TRPC3: variants seen among roughly 807,000 people sequenced by gnomAD.
TRPC3 encodes transient receptor potential cation channel subfamily C member 3.
Under a neutral mutation model 90.9 loss-of-function variants are expected in TRPC3, and 54 were observed. The ratio of observed to expected loss-of-function variants is 0.59; its 90% CI spans 0.48 to 0.75. TRPC3 has a LOEUF of 0.75. Ranked by LOEUF, TRPC3 falls within the 30% of genes least tolerant of loss-of-function variation. The probability of loss-of-function intolerance (pLI) is 0.00; values close to 1 mark genes in which losing one functional copy is unlikely to be tolerated. For synonymous variants in TRPC3, 424 were observed against 450.9 expected (o/e 0.94, Z 0.75); for missense variants, 918 against 1,194.5 (o/e 0.77, Z 3.41).
At chr4:121,903,776 T>C (rs965351703) in intron 8 of TRPC3, among the ~76,000 whole-genome samples, 2 of 152,142 alleles carry the variant, frequency 1.3e-5, no homozygotes, top group African/African-American at 4.8e-5. Flanking sequence ...TTCTAAAACA[T>C]ACATAGAGAT....
chr4:121,875,419 T>C lies in TRPC3; in HGVS notation c.*4317A>G, dbSNP rs1727736638. Among the ~76,000 whole-genome samples the C allele has an allele frequency of 6.6e-6, 1 of 152,250 alleles. No individual in the cohort carries two copies. Among genetic ancestry groups the C allele is most frequent in the Admixed American group, 6.5e-5 (1 of 15,292 alleles). ...TAAATGATTAGTAAAGATTTCAACCTACTAATTTTAAGTATTCCTCAAATA... is the reference window on the plus strand; with the variant it reads ...TAAATGATTAGTAAAGATTTCAACCCACTAATTTTAAGTATTCCTCAAATA... On this transcript the variant is annotated 3_prime_UTR_variant, in exon 12 of 12. Transcript: ENST00000379645.
intron 2 of TRPC3, among the ~76,000 whole-genome samples, chr4:121,931,451 G>A (rs972868791): frequency 2.6e-5 from 4 of 151,906 alleles, no homozygotes; most frequent in African/African-American, 9.7e-5. Flanking sequence ...ATAGGAGGAG[G>A]TAGCAACTGA....
At chr4:121,889,537 C>T (rs1473991853) in intron 10 of TRPC3, among the ~76,000 whole-genome samples, 1 of 152,102 alleles carries the variant, frequency 6.6e-6, no homozygotes, top group Non-Finnish European at 1.5e-5. Context: ...TCACCTCACC[C>T]TAGTTAGGAT....
intron 9 of TRPC3, among the ~76,000 whole-genome samples, chr4:121,902,234 T>C (rs1335486450): frequency 1.3e-5 from 2 of 152,212 alleles, no homozygotes; most frequent in African/African-American, 4.8e-5. Context: ...TCCTTCTATC[T>C]ATACCATTCT....
intron 10 of TRPC3, among the ~76,000 whole-genome samples, chr4:121,888,289 A>G (rs112230524): frequency 0.019 from 2,921 of 152,338 alleles, 46 homozygotes; most frequent in Middle Eastern, 0.071. Context: ...TGATGACCCT[A>G]TTGGTGATGG....
At chr4:121,888,562 GTT>G (rs34467429) in intron 10 of TRPC3, among the ~76,000 whole-genome samples, 3 of 143,670 alleles carry the variant, frequency 2.1e-5, no homozygotes, top group Non-Finnish European at 3.1e-5. Context: ...ACCAAGTTCT[GTT>G]TTTTTTTTTT....
chr4:121,918,956 T>A (rs1347932043), intron 3 of TRPC3, among the ~76,000 whole-genome samples: 1 of 152,224 alleles, frequency 6.6e-6, no homozygotes, highest in Non-Finnish European at 1.5e-5. Context: ...TCTCCTTATG[T>A]CACTACACCA....
chr4:121,932,253 G>A lies in TRPC3; in HGVS notation c.987+18C>T, dbSNP rs1001315053. Reference sequence around the variant, plus strand: ...TGGGTGAGCACACAGAGCAGCCGGGGTAGAGCGCAAAGCTTACCTTGAACT... The same window carrying A: ...TGGGTGAGCACACAGAGCAGCCGGGATAGAGCGCAAAGCTTACCTTGAACT... On this transcript the variant is annotated intron_variant, in intron 2 of 11. Coordinates refer to ENST00000379645, the MANE Select transcript of TRPC3 (RefSeq NM_001130698.2). The surrounding 1 kb of genome is among the most constrained non-coding windows in gnomAD (Gnocchi z 7.7). 1 of 1,608,958 alleles carries A rather than the reference G, an allele frequency of 6.2e-7. No individual in the cohort carries two copies. The highest frequency in any genetic ancestry group is 1.3e-5 in the African/African-American group (1 of 74,834).
At chr4:121,945,396 T>C (rs538143000) in intron 1 of TRPC3, among the ~76,000 whole-genome samples, 4 of 152,340 alleles carry the variant, frequency 2.6e-5, no homozygotes, top group Non-Finnish European at 5.9e-5. Context: ...AAATTTCATC[T>C]TCCATGAAAC....
intron 11 of TRPC3, 101 bp from the exon 12 acceptor site, chr4:121,879,979 G>C: frequency 2.6e-6 from 3 of 1,133,370 alleles, no homozygotes; most frequent in Non-Finnish European, 3.6e-6. Context: ...TGCTTCATAA[G>C]GTCTCCAAGG....
rs199593201 is a variant in TRPC3, at chr4:121,932,575, G to T, written c.683C>A (p.Thr228Lys). ...GGGGGTGATGTCCGGCGAGAAGCGC[G>T]TGCCGTCCTCGTCGTAAGCGTAGAA... ...DDFYAYDEDG[T>K]RFSPDITPII... The change falls in exon 2 of 12, where the codon ACG becomes AAG. Residue 228 changes from threonine (T) to lysine (K), a missense_variant. Thr to Lys is a moderately conservative substitution (Grantham distance 78). Transcript: ENST00000379645. This position sits in a 1 kb window ranked among gnomAD's most constrained non-coding sequence, Gnocchi z 7.7. The T allele has an allele frequency of 6.8e-6, 11 of 1,614,096 alleles. No homozygotes were observed. The highest frequency in any genetic ancestry group is 1.3e-5 in the African/African-American group (1 of 74,932).
chr4:121,894,567 T>G (rs1332003540), intron 10 of TRPC3, among the ~76,000 whole-genome samples: 1 of 136,776 alleles, frequency 7.3e-6, no homozygotes, highest in African/African-American at 2.7e-5. Context: ...TTTTTTTTTT[T>G]TTTTTTTTTT....
chr4:121,921,919 G>GTTTTTTTTTTTT (rs1188029866), intron 3 of TRPC3, among the ~76,000 whole-genome samples: 1 of 115,578 alleles, frequency 8.7e-6, no homozygotes. Flanking sequence ...GTTTTTTTTT[G>GTTTTTTTTTTTT]TTTTTTTTTT....
At chr4:121,887,364 C>G (rs946650854) in intron 10 of TRPC3, among the ~76,000 whole-genome samples, 29 of 152,202 alleles carry the variant, frequency 1.9e-4, no homozygotes, top group African/African-American at 6.8e-4. Flanking sequence ...TGCCATTCTA[C>G]TTCAATGGAG....
chr4:121,932,283 C>T lies in TRPC3; in HGVS notation c.975G>A (p.Glu325=). The T allele has an allele frequency of 1.2e-6, 2 of 1,613,896 alleles. No homozygotes were observed. Among genetic ancestry groups the T allele is most frequent in the Middle Eastern group, 3.3e-4 (2 of 6,060 alleles). Reference sequence around the variant, plus strand: ...GCGCAAAGCTTACCTTGAACTCCTTCTCTATGTTGGCCAGCTTGGCCAGCT... The same window carrying T: ...GCGCAAAGCTTACCTTGAACTCCTTTTCTATGTTGGCCAGCTTGGCCAGCT... ...SNELAKLANI[E]KEFKNDYRKL... is the part of the protein sequence containing the mutation. Residue 325 remains glutamate (E), a synonymous_variant, in exon 2 of 12, where the codon GAG becomes GAA. Coordinates refer to ENST00000379645, the MANE Select transcript of TRPC3 (RefSeq NM_001130698.2). The surrounding 1 kb of genome is among the most constrained non-coding windows in gnomAD (Gnocchi z 7.7).
chr4:121,890,033 G>T (rs1345107361), intron 10 of TRPC3, among the ~76,000 whole-genome samples: 2 of 152,130 alleles, frequency 1.3e-5, no homozygotes, highest in Non-Finnish European at 2.9e-5. Flanking sequence ...GGACCTGGAG[G>T]ACATAATGTT....
At chr4:121,891,993 T>A (rs942247633) in intron 10 of TRPC3, among the ~76,000 whole-genome samples, 1 of 152,260 alleles carries the variant, frequency 6.6e-6, no homozygotes, top group East Asian at 1.9e-4. Context: ...TCAGTTTAAT[T>A]CATAGCCCCC....
At chr4:121,893,830 T>C (rs1728417682) in intron 10 of TRPC3, among the ~76,000 whole-genome samples, 1 of 152,024 alleles carries the variant, frequency 6.6e-6, no homozygotes, top group African/African-American at 2.4e-5. Flanking sequence ...TATGGAGACA[T>C]AAGGATATAT....
At position 121,902,951 on chromosome 4, in the gene TRPC3, T is replaced by C. The variant is rs147677309; in HGVS notation, c.2364A>G (p.Ser788=). Residue 788 remains serine (S), a synonymous_variant, in exon 9 of 12, where the codon TCA becomes TCG. Transcript: ENST00000379645. The stretch of plus-strand genomic sequence containing the variant: ...CAATTCGCATGATGAAATAAACAAA[T>C]GATTTTGGACTAGGAACTAGACTGA... ...PPFSLVPSPK[S]FVYFIMRIVN... 1,332 of 1,613,570 alleles carry C rather than the reference T, an allele frequency of 8.3e-4. 15 individuals carry two copies. In the South Asian group the frequency reaches 9.1e-3, roughly 11 times the overall value.
Sources: allele counts gnomAD v4.1 joint callset (sites outside exome capture counted in the v4.1 genomes callset), GRCh38; gene constraint gnomAD v4.1.1; non-coding constraint Gnocchi (gnomAD v3.1); transcripts MANE v1.5; gene names NCBI Gene and HGNC (gene_info 2026-07-23, HGNC 2026-07-21).